CUX2: variants seen among roughly 807,000 people sequenced by gnomAD.
The protein encoded by CUX2 is homeobox protein cut-like 2.
A neutral mutation model predicts 144.8 loss-of-function variants in CUX2; 40 were observed. That is an observed-to-expected ratio of 0.28 (90% confidence interval 0.21 to 0.36). The LOEUF (loss-of-function observed/expected upper bound fraction) is 0.36. Ranked by LOEUF, CUX2 falls within the 10% of genes least tolerant of loss-of-function variation. The pLI, the probability that CUX2 is intolerant of heterozygous loss-of-function variation, is 1.00. For synonymous variants in CUX2, 827 were observed against 875.6 expected, an observed-to-expected ratio of 0.94 and a Z score of 0.98; for missense variants, 1,615 against 1,994.0, an observed-to-expected ratio of 0.81 and a Z score of 3.62.
At chr12:111,318,062 T>A (rs1290206674) in intron 16 of CUX2, among the ~76,000 whole-genome samples, 2 of 151,474 alleles carry the variant, frequency 1.3e-5, no homozygotes, top group Admixed American at 6.6e-5. Flanking sequence ...GTTTTTGTTG[T>A]TGTTGTTGTT....
chr12:111,244,568 T>G (rs1187960002), intron 3 of CUX2, among the ~76,000 whole-genome samples: 1 of 152,240 alleles, frequency 6.6e-6, no homozygotes, highest in African/African-American at 2.4e-5. Flanking sequence ...TCTTCCATCC[T>G]TGTATTTGCT....
intron 3 of CUX2, among the ~76,000 whole-genome samples, chr12:111,236,251 A>AT (rs1167039049): frequency 7.2e-5 from 11 of 152,180 alleles, no homozygotes; most frequent in African/African-American, 2.2e-4. Context: ...GAACCAACAG[A>AT]TTCCTCAAAC....
At chr12:111,256,408 C>T (rs763327373) in intron 3 of CUX2, among the ~76,000 whole-genome samples, 2 of 152,164 alleles carry the variant, frequency 1.3e-5, no homozygotes, top group Non-Finnish European at 2.9e-5. Flanking sequence ...TTCTGAGACC[C>T]TCCAAGCACC....
chr12:111,232,061 T>C (rs1414474878), intron 3 of CUX2, among the ~76,000 whole-genome samples: 3 of 151,916 alleles, frequency 2.0e-5, no homozygotes, highest in African/African-American at 4.8e-5. Flanking sequence ...CTCAGGATTC[T>C]CCAGAATATT....
rs112429607 is a variant in CUX2, at chr12:111,137,586, C to T, written c.64-76614C>T. ...CAAGTGCAGTGGCCCAATCACAGTTCACTACAGTCTCGACCTCCCCAGGCT... is the reference window on the plus strand; with the variant it reads ...CAAGTGCAGTGGCCCAATCACAGTTTACTACAGTCTCGACCTCCCCAGGCT... On this transcript the variant is annotated intron_variant, in intron 1 of 21. Coordinates refer to ENST00000261726, the MANE Select transcript of CUX2 (RefSeq NM_015267.4). Among the ~76,000 whole-genome samples the T allele has an allele frequency of 1.4e-3, 213 of 152,176 alleles. 1 individual carries two copies. Among genetic ancestry groups the T allele is most frequent in the African/African-American group, 4.7e-3 (194 of 41,508 alleles).
chr12:111,034,243 T>A lies in CUX2; in HGVS notation c.63+3T>A, dbSNP rs771756776. On this transcript the variant is annotated splice_donor_region_variant and intron_variant, in intron 1 of 21. Coordinates refer to ENST00000261726, the MANE Select transcript of CUX2 (RefSeq NM_015267.4). This position sits in a 1 kb window ranked among gnomAD's most constrained non-coding sequence, Gnocchi z 4.2. Reference sequence around the variant, plus strand: ...GATTTGATCTACGGCGACTCCAGGTTAGTGCGGGCAGCGCCGGCCGCGCGG... The same window carrying A: ...GATTTGATCTACGGCGACTCCAGGTAAGTGCGGGCAGCGCCGGCCGCGCGG... 2.9e-6 allele frequency: 4 copies of A among 1,377,184 alleles called. No homozygotes were observed. The highest frequency in any genetic ancestry group is 2.9e-6 in the Non-Finnish European group (3 of 1,035,106). The allele number at this position is 1,377,184 out of a possible 1,614,324, so 85.3% of individuals were successfully genotyped here. A position where few individuals can be genotyped will look rare whatever the true frequency, so the allele number is the denominator to read the frequency against.
intron 3 of CUX2, among the ~76,000 whole-genome samples, chr12:111,235,885 G>A (rs1592866453): frequency 6.6e-6 from 1 of 152,112 alleles, no homozygotes; most frequent in African/African-American, 2.4e-5. Context: ...GGGGCCAGTG[G>A]GACATGACAC....
At chr12:111,242,854 G>A (rs1307974011) in intron 3 of CUX2, among the ~76,000 whole-genome samples, 3 of 151,932 alleles carry the variant, frequency 2.0e-5, no homozygotes, top group Non-Finnish European at 4.4e-5. Context: ...CCTTCCCCTA[G>A]TCCCCCACCC....
At chr12:111,281,074 C>T (rs1456497485) in intron 4 of CUX2, among the ~76,000 whole-genome samples, 1 of 152,280 alleles carries the variant, frequency 6.6e-6, no homozygotes, top group African/African-American at 2.4e-5. Context: ...CCTCTACACG[C>T]CACTTTTCAC....
At position 111,212,330 on chromosome 12, in the gene CUX2, T is replaced by G. The variant is rs77758026; in HGVS notation, c.64-1870T>G. ...CTGGAAGCCCCCATGTACTTTCAAG[T>G]GGGAGTACCCTGTGCTTCGGCAAGA... On this transcript the variant is annotated intron_variant, in intron 1 of 21. Transcript: ENST00000261726. 6.6e-3 allele frequency among the ~76,000 whole-genome samples: 1,004 copies of G among 152,248 alleles called. 5 individuals are homozygous for G. Among genetic ancestry groups the G allele is most frequent in the South Asian group, 0.014 (68 of 4,774 alleles).
intron 3 of CUX2, among the ~76,000 whole-genome samples, chr12:111,259,659 T>G (rs142546746): frequency 2.2e-4 from 34 of 151,620 alleles, no homozygotes; most frequent in African/African-American, 7.3e-4. Flanking sequence ...AGATCAGGAG[T>G]TCAAGACCAG....
chr12:111,091,719 C>T (rs938695037), intron 1 of CUX2, among the ~76,000 whole-genome samples: 2 of 152,236 alleles, frequency 1.3e-5, no homozygotes, highest in African/African-American at 4.8e-5. Flanking sequence ...ATCAAGGTGT[C>T]TGCAGGGCTG....
At chr12:111,233,949 T>C (rs1882609447) in intron 3 of CUX2, among the ~76,000 whole-genome samples, 1 of 152,240 alleles carries the variant, frequency 6.6e-6, no homozygotes, top group Admixed American at 6.5e-5. Context: ...GCGTCTACCA[T>C]CATCTGGTAG....
At chr12:111,111,694 G>A (rs1474707508) in intron 1 of CUX2, among the ~76,000 whole-genome samples, 1 of 152,170 alleles carries the variant, frequency 6.6e-6, no homozygotes, top group African/African-American at 2.4e-5. Flanking sequence ...TGATGCTGAT[G>A]CTGCCTAAAG....
intron 1 of CUX2, among the ~76,000 whole-genome samples, chr12:111,109,955 A>G (rs1193054696): frequency 1.3e-5 from 2 of 152,048 alleles, no homozygotes; most frequent in Non-Finnish European, 2.9e-5. Flanking sequence ...AGCTCACTGC[A>G]TCCTCCAACT....
At chr12:111,282,815 T>C (rs1885183701) in intron 4 of CUX2, among the ~76,000 whole-genome samples, 1 of 151,960 alleles carries the variant, frequency 6.6e-6, no homozygotes, top group African/African-American at 2.4e-5. Context: ...CTTCCCTCTA[T>C]TGGTGCACAG....
At chr12:111,222,189 A>G (rs1485905719) in intron 3 of CUX2, among the ~76,000 whole-genome samples, 3 of 152,226 alleles carry the variant, frequency 2.0e-5, no homozygotes, top group Admixed American at 6.5e-5. Flanking sequence ...TTATTTTCTC[A>G]TTATTAGTTG....
rs1869492337 is a variant in CUX2 at position 111,037,047 on chromosome 12, T to G, written c.63+2807T>G. Among the ~76,000 whole-genome samples the G allele has an allele frequency of 6.6e-6, 1 of 152,118 alleles. No homozygotes were observed. Among genetic ancestry groups the G allele is most frequent in the African/African-American group, 2.4e-5 (1 of 41,420 alleles). On this transcript the variant is annotated intron_variant, in intron 1 of 21. Coordinates refer to ENST00000261726, the MANE Select transcript of CUX2 (RefSeq NM_015267.4). The surrounding 1 kb of genome is among the most constrained non-coding windows in gnomAD (Gnocchi z 5.4). ...TTATTTTCATTTTTTGCCCCTCCCC[T>G]ACTTTCCTCTTATAGGGGAGATAGC...
Position 111,304,157 on chromosome 12 carries a change from G to T in CUX2, c.754-53G>T. On this transcript the variant is annotated intron_variant, in intron 9 of 21. Coordinates refer to ENST00000261726, the MANE Select transcript of CUX2 (RefSeq NM_015267.4). The surrounding 1 kb of genome is among the most constrained non-coding windows in gnomAD (Gnocchi z 4.7). ...CTGCCTGAAACAGTGCAGGGAGAAG[G>T]TGGAAGTGCAGAGTGGGCTCACCTC... The T allele has an allele frequency of 7.0e-7, 1 of 1,438,746 alleles. No homozygotes were observed. The highest frequency in any genetic ancestry group is 9.7e-7 in the Non-Finnish European group (1 of 1,035,508). The allele number at this position is 1,438,746 out of a possible 1,614,324, so 89.1% of individuals were successfully genotyped here. A position where few individuals can be genotyped will look rare whatever the true frequency, so the allele number is the denominator to read the frequency against.
Sources: gnomAD v4.1 joint callset for allele counts (sites outside exome capture counted in the v4.1 genomes callset) on GRCh38, gnomAD v4.1.1 for gene constraint, Gnocchi (gnomAD v3.1) non-coding constraint, MANE v1.5 for transcripts, NCBI Gene and HGNC (gene_info 2026-07-23, HGNC 2026-07-21) for gene names.